TENM3: variants seen among roughly 807,000 people sequenced by gnomAD.
TENM3 encodes the protein teneurin-3.
In TENM3, 63 loss-of-function variants were observed where a neutral mutation model predicts 255.1. The observed-to-expected ratio is 0.25, with a 90% CI of 0.20 to 0.30. TENM3 has a LOEUF of 0.30. TENM3 is among the 10% of genes least tolerant of loss of function. TENM3 has a pLI of 1.00. For missense variants in TENM3, 2,929 were observed against 3,461.1 expected (o/e 0.85, Z 3.86); for synonymous variants, 1,306 against 1,322.3 (o/e 0.99, Z 0.27).
chr4:182,121,258 A>G, the TENM3 span, among the ~76,000 whole-genome samples: 4 of 152,088 alleles, frequency 2.6e-5, no homozygotes, highest in African/African-American at 9.7e-5. Context: ...TCGGCCTCCC[A>G]AAGTGCTGGG....
chr4:182,378,311 T>G (rs1160615412), intron 3 of TENM3, among the ~76,000 whole-genome samples: 1 of 152,176 alleles, frequency 6.6e-6, no homozygotes, highest in Non-Finnish European at 1.5e-5. Flanking sequence ...TCCCTGTCCT[T>G]ATGGGAGCTT....
the TENM3 span, among the ~76,000 whole-genome samples, chr4:182,030,733 T>C: frequency 6.6e-6 from 1 of 152,170 alleles, no homozygotes; most frequent in South Asian, 2.1e-4. Context: ...CCTGACTTTT[T>C]AATAATTGCC....
At chr4:182,031,358 G>A in the TENM3 span, among the ~76,000 whole-genome samples, 3 of 152,080 alleles carry the variant, frequency 2.0e-5, no homozygotes, top group Admixed American at 6.6e-5. Context: ...AAAATCAGAT[G>A]GTTGTAGACA....
the TENM3 span, among the ~76,000 whole-genome samples, chr4:181,793,589 C>G: frequency 1.4e-4 from 22 of 151,978 alleles, no homozygotes; most frequent in African/African-American, 4.8e-4. Context: ...ATGGTGGATA[C>G]AACAAAATGC....
At chr4:182,027,572 T>TG in the TENM3 span, among the ~76,000 whole-genome samples, 1 of 1,032 alleles carries the variant, frequency 9.7e-4, no homozygotes, top group South Asian at 0.5. Flanking sequence ...AAGGCTTTCC[T>TG]TTTTTTTTTC....
At chr4:182,358,497 C>A (rs1411170032) in intron 3 of TENM3, among the ~76,000 whole-genome samples, 6 of 96,200 alleles carry the variant, frequency 6.2e-5, no homozygotes, top group African/African-American at 1.6e-4. Context: ...ATGGGAGTTC[C>A]CTCATGATTT....
chr4:181,684,660 A>G, the TENM3 span, among the ~76,000 whole-genome samples: 1 of 152,194 alleles, frequency 6.6e-6, no homozygotes, highest in Non-Finnish European at 1.5e-5. Flanking sequence ...TGATGTTTTA[A>G]GATTAAGACT....
At chr4:181,659,671 T>G in the TENM3 span, among the ~76,000 whole-genome samples, 1 of 152,208 alleles carries the variant, frequency 6.6e-6, no homozygotes, top group African/African-American at 2.4e-5. Flanking sequence ...AGTGCTGAAA[T>G]GTACAGCTAG....
chr4:182,312,715 A>G (rs921601632), intron 1 of TENM3, among the ~76,000 whole-genome samples: 4 of 152,248 alleles, frequency 2.6e-5, no homozygotes, highest in African/African-American at 9.6e-5. Flanking sequence ...GATTTAAGCC[A>G]TCATAGAAAT....
chr4:181,677,644 G>C, the TENM3 span, among the ~76,000 whole-genome samples: 1 of 151,994 alleles, frequency 6.6e-6, no homozygotes, highest in Non-Finnish European at 1.5e-5. Flanking sequence ...TACTGCAGTG[G>C]GAGTGCTTCT....
the TENM3 span, among the ~76,000 whole-genome samples, chr4:181,871,724 G>A: frequency 1.6e-4 from 25 of 152,198 alleles, no homozygotes; most frequent in Admixed American, 1.4e-3. Flanking sequence ...CTCAGACTAA[G>A]GAGGTTCCTT....
At chr4:182,075,587 C>A in the TENM3 span, among the ~76,000 whole-genome samples, 64 of 152,294 alleles carry the variant, frequency 4.2e-4, no homozygotes, top group Non-Finnish European at 7.6e-4. Flanking sequence ...CCAACTTCTT[C>A]TGTCTTCTTC....
At chr4:182,130,766 C>A in the TENM3 span, among the ~76,000 whole-genome samples, 1 of 151,786 alleles carries the variant, frequency 6.6e-6, no homozygotes, top group African/African-American at 2.4e-5. Context: ...ATTTTAGCAT[C>A]ATTTCACACA....
chr4:182,299,948 C>T (rs557866082), intron 1 of TENM3, among the ~76,000 whole-genome samples: 2 of 150,964 alleles, frequency 1.3e-5, no homozygotes, highest in African/African-American at 4.9e-5. Context: ...TGGAGTCCCA[C>T]TCTGTCGCCC....
At chr4:182,534,321 A>G (rs1323227213) in intron 3 of TENM3, among the ~76,000 whole-genome samples, 18 of 152,190 alleles carry the variant, frequency 1.2e-4, no homozygotes, top group Non-Finnish European at 2.4e-4. Context: ...TCATCTGGCT[A>G]TTTGTACCCC....
intron 5 of TENM3, among the ~76,000 whole-genome samples, chr4:182,639,865 G>A (rs1178016512): frequency 1.3e-5 from 2 of 152,120 alleles, no homozygotes; most frequent in African/African-American, 4.8e-5. Context: ...CCTGAGGCGG[G>A]CAGATCACGG....
the TENM3 span, among the ~76,000 whole-genome samples, chr4:181,520,321 G>T: frequency 2.0e-5 from 3 of 152,154 alleles, no homozygotes; most frequent in African/African-American, 7.2e-5. Context: ...GATTCCTTCT[G>T]CTGGATTGAT....
the TENM3 span, among the ~76,000 whole-genome samples, chr4:181,464,769 G>T: frequency 6.6e-6 from 1 of 152,004 alleles, no homozygotes; most frequent in Admixed American, 6.6e-5. Flanking sequence ...TGGCCAATAT[G>T]GTGAAGCCCC....
chr4:182,788,408 C>A lies in TENM3; in HGVS notation c.5305-685C>A, dbSNP rs182778540. ...CCAAGGCTCTGGACGTGGCACCTAG[C>A]CACAGAGACTCTATGACAACACATG... On this transcript the variant is annotated intron_variant, in intron 24 of 27. Transcript: ENST00000511685. 1.5e-4 allele frequency among the ~76,000 whole-genome samples: 23 copies of A among 152,302 alleles called. No homozygotes were observed. The East Asian group carries it at 4.2e-3, about 28-fold the overall frequency.
Sources: gnomAD v4.1 joint callset for allele counts (sites outside exome capture counted in the v4.1 genomes callset) on GRCh38, gnomAD v4.1.1 for gene constraint, MANE v1.5 for transcripts, NCBI Gene and HGNC (gene_info 2026-07-23, HGNC 2026-07-21) for gene names.